Variants in LTBP1 observed in about 807,000 individuals in gnomAD.
LTBP1 encodes the protein latent-transforming growth factor beta-binding protein 1.
Under a neutral mutation model 207.6 loss-of-function variants are expected in LTBP1, and 129 were observed. The ratio of observed to expected loss-of-function variants is 0.62; its 90% CI spans 0.54 to 0.72. LTBP1 has a LOEUF of 0.72. Ranked by LOEUF, LTBP1 falls within the 30% of genes least tolerant of loss-of-function variation. The pLI, the probability that LTBP1 is intolerant of heterozygous loss-of-function variation, is 0.00. For missense variants in LTBP1, 2,281 were observed against 2,217.2 expected (o/e 1.03, Z -0.58); for synonymous variants, 963 against 833.7 (o/e 1.16, Z -2.67).
rs1458373230 is a variant in LTBP1, at chr2:33,272,718, T to G, written c.2618-938T>G. Among the ~76,000 whole-genome samples, 3 of 152,356 alleles carry G rather than the reference T, an allele frequency of 2.0e-5. No homozygotes were observed. In the East Asian group the frequency reaches 5.8e-4, roughly 29 times the overall value. ...CAGAACTGTAAAGGGCAGCAGCATT[T>G]GTGCCTGCACTGTCTTCAAGCCAGT... On this transcript the variant is annotated intron_variant, in intron 15 of 33. Coordinates refer to ENST00000404816, the MANE Select transcript of LTBP1 (RefSeq NM_206943.4).
chr2:33,160,882 A>G (rs2084404919), intron 5 of LTBP1, among the ~76,000 whole-genome samples: 1 of 152,094 alleles, frequency 6.6e-6, no homozygotes, highest in African/African-American at 2.4e-5. Context: ...GTTAGAGGAG[A>G]GGAGAGTGCA....
chr2:33,364,465 T>C, intron 30 of LTBP1, 109 bp downstream of exon 30: 1 of 1,075,300 alleles, frequency 9.3e-7, no homozygotes, highest in South Asian at 1.7e-5. Context: ...CTTGGGTATT[T>C]TGAAATAACT....
intron 2 of LTBP1, among the ~76,000 whole-genome samples, chr2:32,965,331 T>C (rs926689222): frequency 6.6e-6 from 1 of 152,194 alleles, no homozygotes; most frequent in African/African-American, 2.4e-5. Context: ...TGAACCCCTA[T>C]ATTATCACCC....
At chr2:32,966,915 C>T (rs1307034045) in intron 2 of LTBP1, among the ~76,000 whole-genome samples, 1 of 152,072 alleles carries the variant, frequency 6.6e-6, no homozygotes, top group East Asian at 1.9e-4. Flanking sequence ...ATATTCTCTT[C>T]TTCTATCTTC....
intron 3 of LTBP1, among the ~76,000 whole-genome samples, chr2:33,025,117 CGAG>C (rs2075356490): frequency 6.6e-6 from 1 of 152,098 alleles, no homozygotes; most frequent in African/African-American, 2.4e-5. Context: ...TTAGGGAGAG[CGAG>C]GAGAAGGCCA....
chr2:33,124,949 C>T (rs965506321), intron 4 of LTBP1, among the ~76,000 whole-genome samples: 2 of 152,158 alleles, frequency 1.3e-5, no homozygotes, highest in Non-Finnish European at 2.9e-5. Flanking sequence ...TTCTTATTAT[C>T]AGTTTCTTTG....
intron 4 of LTBP1, among the ~76,000 whole-genome samples, chr2:33,129,259 C>T (rs2081615907): frequency 6.6e-6 from 1 of 152,124 alleles, no homozygotes; most frequent in South Asian, 2.1e-4. Flanking sequence ...TTCAACTGTC[C>T]AGGCATACTT....
At chr2:33,324,861 C>T (rs1301683006) in intron 24 of LTBP1, among the ~76,000 whole-genome samples, 1 of 151,938 alleles carries the variant, frequency 6.6e-6, no homozygotes, top group Non-Finnish European at 1.5e-5. Flanking sequence ...GCCACCACAC[C>T]CGACTAATTT....
At chr2:33,348,545 AAAAC>A (rs2094735497) in intron 26 of LTBP1, among the ~76,000 whole-genome samples, 1 of 152,198 alleles carries the variant, frequency 6.6e-6, no homozygotes, top group African/African-American at 2.4e-5. Context: ...ACAATAGCAA[AAAAC>A]AAACCAAAAA....
rs1288218882 is a variant in LTBP1 at position 32,995,292 on chromosome 2, T to TGTGCATA, written c.566-25615_566-25609dup. On this transcript the variant is annotated intron_variant, in intron 2 of 33. Coordinates refer to ENST00000404816, the MANE Select transcript of LTBP1 (RefSeq NM_206943.4). The stretch of plus-strand genomic sequence containing the variant: ...TATAGGGCAGTGCCTCTCGAACTAA[T>TGTGCATA]GTGCATAGGAATCTCCTGGGGGTCA... Among the ~76,000 whole-genome samples the TGTGCATA allele has an allele frequency of 4.6e-5, 7 of 152,240 alleles. No homozygotes were observed. In the South Asian group the frequency reaches 6.2e-4, roughly 14 times the overall value.
chr2:33,120,346 C>A (rs2081033958), intron 4 of LTBP1, among the ~76,000 whole-genome samples: 1 of 152,136 alleles, frequency 6.6e-6, no homozygotes, highest in Admixed American at 6.5e-5. Context: ...TTTACCCTCC[C>A]ACTTAAAGTA....
At chr2:33,236,563 A>C (rs1466861708) in intron 9 of LTBP1, among the ~76,000 whole-genome samples, 1 of 152,144 alleles carries the variant, frequency 6.6e-6, no homozygotes, top group East Asian at 1.9e-4. Flanking sequence ...TCAAAAAGGA[A>C]ATGTCTGTTT....
intron 2 of LTBP1, among the ~76,000 whole-genome samples, chr2:32,959,686 T>C (rs374955199): frequency 2.8e-5 from 4 of 144,520 alleles, no homozygotes; most frequent in Non-Finnish European, 6.0e-5. Context: ...AGTGGCGTGA[T>C]CTCAGCTCAC....
chr2:33,349,213 G>A (rs146261457), intron 26 of LTBP1, among the ~76,000 whole-genome samples: 280 of 152,316 alleles, frequency 1.8e-3, no homozygotes, highest in African/African-American at 6.4e-3. Flanking sequence ...CACTTTGGGA[G>A]GCCGAGGCAG....
chr2:33,240,395 C>T lies in LTBP1; in HGVS notation c.1877-3267C>T, dbSNP rs1573372541. On this transcript the variant is annotated intron_variant, in intron 9 of 33. Transcript: ENST00000404816. ...GGAATGTTCTTCTCTCATCCAGATACAATGCGTTCAGTTCAACCAATGCTT... is the reference window on the plus strand; with the variant it reads ...GGAATGTTCTTCTCTCATCCAGATATAATGCGTTCAGTTCAACCAATGCTT... 2.0e-5 allele frequency among the ~76,000 whole-genome samples: 3 copies of T among 152,342 alleles called. No individual in the cohort carries two copies. In the South Asian group the frequency reaches 6.2e-4, roughly 32 times the overall value.
intron 19 of LTBP1, among the ~76,000 whole-genome samples, chr2:33,281,698 C>CT (rs1319195144): frequency 6.6e-6 from 1 of 152,162 alleles, no homozygotes; most frequent in Non-Finnish European, 1.5e-5. Flanking sequence ...AGAGTCTCTG[C>CT]TGATGGAGTT....
chr2:33,140,264 A>G (rs2082528577), intron 5 of LTBP1, among the ~76,000 whole-genome samples: 1 of 152,226 alleles, frequency 6.6e-6, no homozygotes, highest in South Asian at 2.1e-4. Flanking sequence ...GCATTAAATA[A>G]TCTGACATAA....
chr2:33,147,358 C>G (rs551283005), intron 5 of LTBP1, among the ~76,000 whole-genome samples: 1 of 152,260 alleles, frequency 6.6e-6, no homozygotes, highest in South Asian at 2.1e-4. Flanking sequence ...GATTCTGATT[C>G]AGAATCAGAA....
intron 9 of LTBP1, among the ~76,000 whole-genome samples, chr2:33,229,869 T>C (rs2091687883): frequency 6.6e-6 from 1 of 152,192 alleles, no homozygotes; most frequent in Admixed American, 6.5e-5. Flanking sequence ...GATTCTAAAG[T>C]GAAGTAACAC....
Sources: allele counts gnomAD v4.1 joint callset (sites outside exome capture counted in the v4.1 genomes callset), GRCh38; gene constraint gnomAD v4.1.1; transcripts MANE v1.5; gene names NCBI Gene and HGNC (gene_info 2026-07-23, HGNC 2026-07-21).